Variants in KHDRBS2 observed in about 807,000 individuals in gnomAD.
KHDRBS2 encodes the protein KH domain-containing, RNA-binding, signal transduction-associated protein 2.
Under a neutral mutation model 44.3 loss-of-function variants are expected in KHDRBS2, and 26 were observed. That is an observed-to-expected ratio of 0.59 (90% CI 0.43 to 0.81). The LOEUF is 0.81. KHDRBS2 is among the 40% of genes least tolerant of loss of function. The pLI is 0.00. For synonymous variants in KHDRBS2, 194 were observed against 151.1 expected (o/e 1.28, Z -2.08); for missense variants, 476 against 433.1 (o/e 1.10, Z -0.88).
intron 2 of KHDRBS2, among the ~76,000 whole-genome samples, chr6:62,088,966 C>G (rs1247275815): frequency 6.6e-6 from 1 of 152,102 alleles, no homozygotes; most frequent in Middle Eastern, 3.2e-3. Flanking sequence ...TGGATTTGCC[C>G]AGTGGCAGTG....
At chr6:62,059,199 T>TTTTTTTG (rs1791054401) in intron 2 of KHDRBS2, among the ~76,000 whole-genome samples, 1 of 39,436 alleles carries the variant, frequency 2.5e-5, no homozygotes, top group Non-Finnish European at 4.7e-5. Flanking sequence ...AGTTAGGAAG[T>TTTTTTTG]TTTTTTTTTT....
chr6:61,717,358 A>G (rs1349990124), intron 7 of KHDRBS2, among the ~76,000 whole-genome samples: 2 of 151,770 alleles, frequency 1.3e-5, no homozygotes, highest in African/African-American at 4.8e-5. Flanking sequence ...AGAGAGAGAG[A>G]AAAAAAACAG....
chr6:61,554,423 G>A, the KHDRBS2 span, among the ~76,000 whole-genome samples: 20 of 151,878 alleles, frequency 1.3e-4, no homozygotes, highest in Non-Finnish European at 2.5e-4. Context: ...TGGGTCTCTT[G>A]AAGACAACAA....
At chr6:61,623,774 A>T in the KHDRBS2 span, among the ~76,000 whole-genome samples, 1 of 152,186 alleles carries the variant, frequency 6.6e-6, no homozygotes, top group African/African-American at 2.4e-5. Context: ...CCTATGACCG[A>T]CTGAAGAAGG....
intron 2 of KHDRBS2, among the ~76,000 whole-genome samples, chr6:62,077,187 A>C (rs1796515478): frequency 6.6e-6 from 1 of 152,066 alleles, no homozygotes; most frequent in African/African-American, 2.4e-5. Flanking sequence ...AATTTACTGA[A>C]GAGCAAGGAC....
intron 1 of KHDRBS2, among the ~76,000 whole-genome samples, chr6:62,258,240 G>GT (rs1028247033): frequency 2.0e-5 from 3 of 151,992 alleles, no homozygotes; most frequent in Non-Finnish European, 2.9e-5. Flanking sequence ...TGCTAGATGG[G>GT]TTTTTTAAAC....
At position 61,978,175 on chromosome 6, in the gene KHDRBS2, G is replaced by T. The variant is rs865838310; in HGVS notation, c.374C>A (p.Ala125Asp). The change falls in exon 4 of 9, where the codon GCC becomes GAC. Residue 125 changes from alanine (A) to aspartate (D), a missense_variant. Ala to Asp is a moderately radical substitution (Grantham distance 126). Transcript: ENST00000281156. ...TACATGAAGCTCATCACTCAAGTGG[G>T]CATATTTGGCTTCCCCACTCTTCCT... ...ELRKSGEAKYAHLSDELHVLI... is the reference protein window; with the variant it reads ...ELRKSGEAKYDHLSDELHVLI... The T allele has an allele frequency of 2.5e-6, 4 of 1,608,076 alleles. No individual in the cohort carries two copies. Among genetic ancestry groups the T allele is most frequent in the African/African-American group, 2.7e-5 (2 of 74,598 alleles).
At chr6:62,102,610 C>T (rs554351585) in intron 2 of KHDRBS2, among the ~76,000 whole-genome samples, 2 of 152,322 alleles carry the variant, frequency 1.3e-5, no homozygotes, top group Admixed American at 1.3e-4. Flanking sequence ...TGCTGCCTGA[C>T]TCTGGCCCAC....
intron 8 of KHDRBS2, among the ~76,000 whole-genome samples, chr6:61,686,400 T>C (rs1271963063): frequency 6.6e-6 from 1 of 151,820 alleles, no homozygotes; most frequent in African/African-American, 2.4e-5. Context: ...TTTCTGATGT[T>C]TCTAAGGAGT....
intron 6 of KHDRBS2, among the ~76,000 whole-genome samples, chr6:61,848,565 A>ATATATATACATATATATATG (rs1554236923): frequency 2.0e-5 from 1 of 49,478 alleles, no homozygotes; most frequent in Non-Finnish European, 3.7e-5. Context: ...ATATATATGT[A>ATATATATACATATATATATG]TATATATATA....
chr6:62,169,160 TACAC>T (rs1248344322), intron 2 of KHDRBS2, among the ~76,000 whole-genome samples: 2 of 85,268 alleles, frequency 2.3e-5, no homozygotes, highest in African/African-American at 8.6e-5. Context: ...TATATATACG[TACAC>T]ATATATGTAT....
chr6:61,939,783 T>C (rs1415864724), intron 4 of KHDRBS2, among the ~76,000 whole-genome samples: 1 of 152,204 alleles, frequency 6.6e-6, no homozygotes, highest in Non-Finnish European at 1.5e-5. Context: ...AAGTACATAC[T>C]GGTTCATTAG....
intron 4 of KHDRBS2, among the ~76,000 whole-genome samples, chr6:61,964,365 C>T (rs1769436301): frequency 6.6e-6 from 1 of 151,996 alleles, no homozygotes; most frequent in Non-Finnish European, 1.5e-5. Context: ...TCGCATCAGG[C>T]AGCATGGGGC....
At chr6:61,779,689 T>C (rs1466342106) in intron 6 of KHDRBS2, among the ~76,000 whole-genome samples, 1 of 152,208 alleles carries the variant, frequency 6.6e-6, no homozygotes, top group African/African-American at 2.4e-5. Context: ...TTAAATTTTA[T>C]ATTAATACTA....
intron 2 of KHDRBS2, among the ~76,000 whole-genome samples, chr6:62,071,946 CATG>C (rs1795219895): frequency 6.6e-6 from 1 of 152,116 alleles, no homozygotes; most frequent in South Asian, 2.1e-4. Flanking sequence ...TGGCCATTTT[CATG>C]ATATTGATTC....
At chr6:62,185,017 G>A (rs551423237) in intron 1 of KHDRBS2, among the ~76,000 whole-genome samples, 1 of 151,768 alleles carries the variant, frequency 6.6e-6, no homozygotes, top group Non-Finnish European at 1.5e-5. Context: ...TCACCTGCTG[G>A]CTACATGATC....
intron 2 of KHDRBS2, among the ~76,000 whole-genome samples, chr6:62,052,647 G>T: frequency 6.7e-6 from 1 of 148,764 alleles, no homozygotes. Context: ...AGGAGGGTGG[G>T]GGTGTTTTGA....
rs565763920 is a variant in KHDRBS2 at position 61,764,729 on chromosome 6, G to GT, written c.811-31966dup. Among the ~76,000 whole-genome samples, 1,130 of 151,286 alleles carry GT rather than the reference G, an allele frequency of 7.5e-3. 7 individuals carry two copies. The highest frequency in any genetic ancestry group is 9.5e-3 in the Non-Finnish European group (644 of 67,746). On this transcript the variant is annotated intron_variant, in intron 6 of 8. Transcript: ENST00000281156. ...TGCACACTTTTCAATAGAGTTGTTT[G>GT]TTTTTTTTCTTGTAAATTTGTTTAA... is the stretch of plus-strand genomic sequence containing the variant.
chr6:61,654,281 T>G, the KHDRBS2 span, among the ~76,000 whole-genome samples: 4 of 152,030 alleles, frequency 2.6e-5, no homozygotes, highest in Admixed American at 2.6e-4. Context: ...TTTGAGTGTC[T>G]TGTGACACTA....
Sources: allele counts gnomAD v4.1 joint callset (sites outside exome capture counted in the v4.1 genomes callset), GRCh38; gene constraint gnomAD v4.1.1; transcripts MANE v1.5; gene names NCBI Gene and HGNC (gene_info 2026-07-23, HGNC 2026-07-21).